The following USP8 variants were observed in gnomAD, a reference collection of about 807,000 sequenced individuals.
The protein encoded by USP8 is ubiquitin specific peptidase 8, also known as ubiquitin carboxyl-terminal hydrolase 8.
A neutral mutation model predicts 130.0 loss-of-function variants in USP8; 27 were observed. That is an observed-to-expected ratio of 0.21 (90% CI 0.15 to 0.29). USP8 has a LOEUF of 0.29. Ranked by LOEUF, USP8 falls within the 10% of genes least tolerant of loss-of-function variation. The pLI is 1.00. For missense variants in USP8, 1,029 were observed against 1,312.2 expected (o/e 0.78, Z 3.33); for synonymous variants, 392 against 444.1 (o/e 0.88, Z 1.48).
At chr15:50,431,635 A>G (rs140162109) in intron 1 of USP8, among the ~76,000 whole-genome samples, 1 of 152,110 alleles carries the variant, frequency 6.6e-6, no homozygotes, top group Non-Finnish European at 1.5e-5. Flanking sequence ...TTATTTCCCA[A>G]TAACTTCTGT....
chr15:50,427,572 T>A (rs886534172), intron 1 of USP8, among the ~76,000 whole-genome samples: 1 of 149,708 alleles, frequency 6.7e-6, no homozygotes, highest in Non-Finnish European at 1.5e-5. Context: ...TTTTTTTTTT[T>A]TTTTTTTTGA....
intron 1 of USP8, among the ~76,000 whole-genome samples, chr15:50,434,103 T>TG (rs2050021272): frequency 1.3e-4 from 19 of 142,068 alleles, no homozygotes; most frequent in Admixed American, 1.1e-3. Flanking sequence ...AAGCATAAGG[T>TG]TTTTTGTTTT....
intron 1 of USP8, among the ~76,000 whole-genome samples, chr15:50,431,784 G>A (rs62016944): frequency 0.14 from 21,909 of 152,150 alleles, 2,025 homozygotes; most frequent in Middle Eastern, 0.28. Flanking sequence ...AGCCTCCTGA[G>A]TAGGTGGAAT....
intron 8 of USP8, 26 bp downstream of exon 8, chr15:50,471,821 T>C (rs1595951942): frequency 1.2e-6 from 2 of 1,612,576 alleles, no homozygotes; most frequent in Admixed American, 1.7e-5. Context: ...TGTTAGTTTA[T>C]TGTAATTGCA....
chr15:50,513,987 A>G lies in USP8; in HGVS notation c.*14899A>G, dbSNP rs954739917. 6.6e-6 allele frequency: 1 copy of G among 152,250 alleles called. No individual in the cohort carries two copies. Among genetic ancestry groups the G allele is most frequent in the African/African-American group, 2.4e-5 (1 of 41,468 alleles). The allele number at this position is 152,250 out of a possible 1,614,324, so 9.4% of individuals were successfully genotyped here. On this transcript the variant is annotated 3_prime_UTR_variant, in exon 20 of 20. Coordinates refer to ENST00000307179, the MANE Select transcript of USP8 (RefSeq NM_005154.5). ...GAATGTTTATAGCAACCCTCTTTGC[A>G]TTAGTCAAAAGCTAGTAATTACCCA...
At chr15:50,466,984 T>C (rs1411540636) in intron 7 of USP8, 2 of 498,756 alleles carry the variant, frequency 4.0e-6, no homozygotes, top group South Asian at 2.4e-5. Context: ...CATTTCCATA[T>C]GAGAATCCAC....
intron 18 of USP8, 126 bp from the exon 19 acceptor site, chr15:50,498,470 T>G (rs2052497917): frequency 7.6e-7 from 1 of 1,308,646 alleles, no homozygotes; most frequent in Admixed American, 2.9e-5. Context: ...CCTCTACTAC[T>G]AAAATTCCAA....
In USP8 at chr15:50,502,568, C is replaced by G. The variant is rs2052606304; in HGVS notation, c.*3480C>G. 1 of 152,294 alleles carries G rather than the reference C, an allele frequency of 6.6e-6. No individual in the cohort carries two copies. Among genetic ancestry groups the G allele is most frequent in the South Asian group, 2.1e-4 (1 of 4,832 alleles). 9.4% of individuals were successfully genotyped at this position (152,294 alleles called of 1,614,324 possible). ...TATTTTTAGTAGAGATGGGGTTTCG[C>G]CGTGTTGGCCAGGCTGGTCTTGAAC... On this transcript the variant is annotated 3_prime_UTR_variant, in exon 20 of 20. Transcript: ENST00000307179.
chr15:50,495,240 ATATACGTG>A (rs1304839266), intron 16 of USP8, among the ~76,000 whole-genome samples: 639 of 59,826 alleles, frequency 0.011, 7 homozygotes, highest in African/African-American at 0.028. Flanking sequence ...GTGTATATAT[ATATACGTG>A]TATATATACA....
chr15:50,469,973 A>G (rs754818866), intron 7 of USP8, among the ~76,000 whole-genome samples: 9 of 151,924 alleles, frequency 5.9e-5, no homozygotes, highest in South Asian at 2.1e-4. Flanking sequence ...CTGAGACTCC[A>G]GTCATGCACC....
chr15:50,430,539 A>G (rs2049897027), intron 1 of USP8, among the ~76,000 whole-genome samples: 2 of 151,904 alleles, frequency 1.3e-5, no homozygotes, highest in African/African-American at 4.8e-5. Flanking sequence ...CTGGGACCAC[A>G]GGCGCATGCC....
At chr15:50,481,453 A>G in intron 10 of USP8, 28 bp from the exon 11 acceptor site, 1 of 1,465,116 alleles carries the variant, frequency 6.8e-7, no homozygotes. Context: ...TTTGACAAAA[A>G]TGTTTTGCTC....
intron 14 of USP8, among the ~76,000 whole-genome samples, 189 bp downstream of exon 14, chr15:50,490,714 T>C (rs554216331): frequency 6.6e-6 from 1 of 152,270 alleles, no homozygotes; most frequent in African/African-American, 2.4e-5. Context: ...TCCCAAGTGC[T>C]CACTTAATAT....
chr15:50,430,824 G>A (rs953028494), intron 1 of USP8, among the ~76,000 whole-genome samples: 6 of 152,096 alleles, frequency 3.9e-5, no homozygotes, highest in South Asian at 2.1e-4. Flanking sequence ...TTTCCACATC[G>A]AATTACCTAC....
intron 18 of USP8, 96 bp from the exon 19 acceptor site, chr15:50,498,500 A>G (rs1210315180): frequency 7.1e-7 from 1 of 1,411,314 alleles, no homozygotes; most frequent in African/African-American, 1.5e-5. Flanking sequence ...TTTGAAATGG[A>G]TTTTACAGTC....
rs146952952 is a variant in USP8, at chr15:50,459,539, G to A, written c.498+377G>A. ...GCAGAGGCTGCAGTGAGCTGAGATC[G>A]TACCACTCCACTCCAGCCTGGGCAA... On this transcript the variant is annotated intron_variant, in intron 5 of 19. Coordinates refer to ENST00000307179, the MANE Select transcript of USP8 (RefSeq NM_005154.5). Among the ~76,000 whole-genome samples, 398 of 152,016 alleles carry A rather than the reference G, an allele frequency of 2.6e-3. 1 individual carries two copies. Among genetic ancestry groups the A allele is most frequent in the African/African-American group, 9.2e-3 (381 of 41,460 alleles).
At position 50,438,917 on chromosome 15, in the gene USP8, A is replaced by G. The variant is rs536799948; in HGVS notation, c.-65-92A>G. On this transcript the variant is annotated intron_variant, in intron 1 of 19. Coordinates refer to ENST00000307179, the MANE Select transcript of USP8 (RefSeq NM_005154.5). Reference sequence around the variant, plus strand: ...CAATTTAAAATTAACCCTGTTAGCAAAGGATATGGTTTAGGAATTTTTTTT... The same window carrying G: ...CAATTTAAAATTAACCCTGTTAGCAGAGGATATGGTTTAGGAATTTTTTTT... 1.1e-4 allele frequency: 58 copies of G among 517,514 alleles called. 1 individual carries two copies. The African/African-American group carries it at 1.2e-3, about 10-fold the overall frequency. 32.1% of individuals were successfully genotyped at this position (517,514 alleles called of 1,614,324 possible).
rs2051774182 is a variant in USP8 at position 50,481,616 on chromosome 15, T to C, written c.1354T>C (p.Ser452Pro). The C allele has an allele frequency of 6.2e-7, 1 of 1,614,112 alleles. No individual in the cohort carries two copies. Among genetic ancestry groups the C allele is most frequent in the East Asian group, 2.2e-5 (1 of 44,862 alleles). Reference sequence around the variant, plus strand: ...TCGTTCCACCAAGCCAGTAGTTTTTTCTCCAACTCTCATGTTAACAGATGA... The same window carrying C: ...TCGTTCCACCAAGCCAGTAGTTTTTCCTCCAACTCTCATGTTAACAGATGA... The part of the protein sequence containing the change: ...PDRSTKPVVF[S>P]PTLMLTDEEK... Residue 452 changes from serine to proline, a missense_variant, in exon 11 of 20, where the codon TCT becomes CCT. Coordinates refer to ENST00000307179, the MANE Select transcript of USP8 (RefSeq NM_005154.5).
intron 16 of USP8, among the ~76,000 whole-genome samples, chr15:50,494,757 G>A (rs145562151): frequency 6.6e-6 from 1 of 152,170 alleles, no homozygotes; most frequent in Non-Finnish European, 1.5e-5. Flanking sequence ...GCTTATGCCT[G>A]TAATCCCAGT....
Sources: gnomAD v4.1 joint callset for allele counts (sites outside exome capture counted in the v4.1 genomes callset) on GRCh38, gnomAD v4.1.1 for gene constraint, MANE v1.5 for transcripts, NCBI Gene and HGNC (gene_info 2026-07-23, HGNC 2026-07-21) for gene names.